The following SLC8A1 variants were observed in gnomAD, a reference collection of about 807,000 sequenced individuals.
The protein encoded by SLC8A1 is sodium/calcium exchanger 1.
SLC8A1 carries 18 observed loss-of-function variants against 68.3 expected under a neutral mutation model. That is an observed-to-expected ratio of 0.26 (90% confidence interval 0.18 to 0.39). SLC8A1 has a LOEUF of 0.39. Ranked by LOEUF, SLC8A1 falls within the 10% of genes least tolerant of loss-of-function variation. The probability of loss-of-function intolerance (pLI) is 1.00; values close to 1 mark genes in which losing one functional copy is unlikely to be tolerated. For synonymous variants in SLC8A1, 475 were observed against 415.5 expected, an observed-to-expected ratio of 1.14 and a Z score of -1.74; for missense variants, 985 against 1,156.7, an observed-to-expected ratio of 0.85 and a Z score of 2.15.
chr2:40,414,151 C>G (rs1179557855), intron 2 of SLC8A1, among the ~76,000 whole-genome samples: 1 of 152,140 alleles, frequency 6.6e-6, no homozygotes, highest in East Asian at 1.9e-4. Context: ...AAACATGAAT[C>G]AAAGTCATTA....
At chr2:40,244,558 G>GA (rs1301524851) in intron 2 of SLC8A1, among the ~76,000 whole-genome samples, 22 of 55,150 alleles carry the variant, frequency 4.0e-4, no homozygotes, top group Non-Finnish European at 7.4e-4. Flanking sequence ...TGCATGATAT[G>GA]AAAAACCAAA....
intron 2 of SLC8A1, among the ~76,000 whole-genome samples, chr2:40,229,369 A>T (rs2148886935): frequency 6.6e-6 from 1 of 152,314 alleles, no homozygotes; most frequent in South Asian, 2.1e-4. Context: ...GTAATTACAG[A>T]TACCAATCAC....
At chr2:40,373,709 C>A (rs999289162) in intron 2 of SLC8A1, among the ~76,000 whole-genome samples, 1 of 152,052 alleles carries the variant, frequency 6.6e-6, no homozygotes, top group Non-Finnish European at 1.5e-5. Context: ...TCAGAATTCC[C>A]ACTTTTTCCT....
At chr2:40,344,262 AG>A (rs1668559789) in intron 2 of SLC8A1, among the ~76,000 whole-genome samples, 1 of 152,162 alleles carries the variant, frequency 6.6e-6, no homozygotes, top group African/African-American at 2.4e-5. Context: ...GCAAAGGAGG[AG>A]GCTCTGCTGA....
At chr2:40,205,545 G>A (rs2055251822) in intron 2 of SLC8A1, among the ~76,000 whole-genome samples, 1 of 152,026 alleles carries the variant, frequency 6.6e-6, no homozygotes, top group Admixed American at 6.6e-5. Context: ...ACTAACAAAG[G>A]AACAGAAAAC....
At chr2:40,136,931 C>G (rs2040606738) in intron 7 of SLC8A1, among the ~76,000 whole-genome samples, 1 of 152,172 alleles carries the variant, frequency 6.6e-6, no homozygotes, top group Non-Finnish European at 1.5e-5. Flanking sequence ...ATGGAATTCT[C>G]TCAATAACAG....
intron 2 of SLC8A1, among the ~76,000 whole-genome samples, chr2:40,187,826 A>G (rs2050976543): frequency 6.6e-6 from 1 of 152,234 alleles, no homozygotes; most frequent in African/African-American, 2.4e-5. Context: ...CTATTATGGT[A>G]GGTTTCAGAG....
intron 2 of SLC8A1, among the ~76,000 whole-genome samples, chr2:40,207,998 C>T (rs569391691): frequency 6.6e-6 from 1 of 152,218 alleles, no homozygotes; most frequent in South Asian, 2.1e-4. Flanking sequence ...CCTTCACAGC[C>T]ACAGCACTGC....
chr2:40,169,587 C>T (rs546050985), intron 4 of SLC8A1, among the ~76,000 whole-genome samples: 3 of 152,284 alleles, frequency 2.0e-5, no homozygotes, highest in East Asian at 3.9e-4. Context: ...ATCTGGCTAA[C>T]ATCATGTTGC....
chr2:40,172,856 C>T (rs994553744), intron 4 of SLC8A1, among the ~76,000 whole-genome samples: 1 of 152,090 alleles, frequency 6.6e-6, no homozygotes, highest in Non-Finnish European at 1.5e-5. Context: ...GCAGGAGAAT[C>T]GCTTGAACCC....
intron 2 of SLC8A1, among the ~76,000 whole-genome samples, chr2:40,350,763 C>G (rs1176562494): frequency 2.0e-5 from 3 of 152,046 alleles, no homozygotes; most frequent in African/African-American, 4.8e-5. Flanking sequence ...CGTCACTAAT[C>G]TATGGAGTAT....
chr2:40,403,107 G>T (rs1689249266), intron 2 of SLC8A1, among the ~76,000 whole-genome samples: 1 of 152,046 alleles, frequency 6.6e-6, no homozygotes, highest in African/African-American at 2.4e-5. Context: ...AACAATTTTG[G>T]AATTTAAATT....
At chr2:40,478,836 G>C (rs1320881130) in intron 1 of SLC8A1, among the ~76,000 whole-genome samples, 2 of 151,244 alleles carry the variant, frequency 1.3e-5, no homozygotes, top group East Asian at 2.0e-4. Flanking sequence ...CAATGGCGCA[G>C]TCCCAGCTCA....
In SLC8A1 at chr2:40,219,767, T is replaced by C. The variant is rs2058039447; in HGVS notation, c.1809-41912A>G. 3.3e-5 allele frequency among the ~76,000 whole-genome samples: 5 copies of C among 152,160 alleles called. No homozygotes were observed. The South Asian group carries it at 1.0e-3, about 32-fold the overall frequency. On this transcript the variant is annotated intron_variant, in intron 2 of 7. Coordinates refer to ENST00000406785, the Ensembl canonical transcript of SLC8A1. The stretch of plus-strand genomic sequence containing the variant: ...GAGAAATAGAAAAGAATCAAATCAG[T>C]ATCTTAATTAGCAAAACCTAGTTGA...
At chr2:40,300,827 C>G (rs750454979) in intron 2 of SLC8A1, among the ~76,000 whole-genome samples, 3 of 152,108 alleles carry the variant, frequency 2.0e-5, no homozygotes, top group Non-Finnish European at 4.4e-5. Flanking sequence ...GCAGAATGAT[C>G]TTAAAAATCC....
At chr2:40,459,962 T>G (rs1298490872) in intron 1 of SLC8A1, among the ~76,000 whole-genome samples, 1 of 152,224 alleles carries the variant, frequency 6.6e-6, no homozygotes, top group Admixed American at 6.5e-5. Flanking sequence ...AATTGCAAAT[T>G]TGCAAATACC....
chr2:40,485,697 G>A (rs575871029), intron 1 of SLC8A1, among the ~76,000 whole-genome samples: 9 of 152,092 alleles, frequency 5.9e-5, no homozygotes, highest in African/African-American at 2.2e-4. Flanking sequence ...TAAAACTCTT[G>A]CCTTCTAGAG....
intron 2 of SLC8A1, among the ~76,000 whole-genome samples, chr2:40,349,148 A>C (rs1450453022): frequency 6.6e-6 from 1 of 152,172 alleles, no homozygotes; most frequent in Non-Finnish European, 1.5e-5. Context: ...GAAAATTAAG[A>C]GTTTATGAAA....
At chr2:40,375,861 G>A (rs1167742473) in intron 2 of SLC8A1, among the ~76,000 whole-genome samples, 1 of 152,024 alleles carries the variant, frequency 6.6e-6, no homozygotes, top group Non-Finnish European at 1.5e-5. Context: ...AATTAGCTGG[G>A]CGCAGTGGTG....
Sources: gnomAD v4.1 joint callset for allele counts (sites outside exome capture counted in the v4.1 genomes callset) on GRCh38, gnomAD v4.1.1 for gene constraint, MANE v1.5 for transcripts, NCBI Gene and HGNC (gene_info 2026-07-23, HGNC 2026-07-21) for gene names.